CYFIP2: variants seen among roughly 807,000 people sequenced by gnomAD.
The protein encoded by CYFIP2 is cytoplasmic FMR1-interacting protein 2.
A neutral mutation model predicts 158.7 loss-of-function variants in CYFIP2; 29 were observed. The observed-to-expected ratio is 0.18, with a 90% CI of 0.14 to 0.25. The LOEUF (loss-of-function observed/expected upper bound fraction) is 0.25. Ranked by LOEUF, CYFIP2 falls within the 10% of genes least tolerant of loss-of-function variation. The pLI, the probability that CYFIP2 is intolerant of heterozygous loss-of-function variation, is 1.00. For synonymous variants in CYFIP2, 585 were observed against 617.6 expected (o/e 0.95, Z 0.78); for missense variants, 852 against 1,639.5 (o/e 0.52, Z 8.29).
intron 30 of CYFIP2, 114 bp from the exon 31 acceptor site, chr5:157,392,719 A>G: frequency 8.4e-7 from 1 of 1,187,140 alleles, no homozygotes; most frequent in Non-Finnish European, 1.2e-6. Flanking sequence ...ACTTTAAGAA[A>G]GTGACATGAT....
intron 8 of CYFIP2, among the ~76,000 whole-genome samples, chr5:157,305,541 C>T (rs1759143120): frequency 6.6e-6 from 1 of 152,218 alleles, no homozygotes; most frequent in African/African-American, 2.4e-5. Flanking sequence ...GGTGGAGTCT[C>T]ATTCTGTCTC....
intron 9 of CYFIP2, among the ~76,000 whole-genome samples, chr5:157,308,910 G>T (rs394975): frequency 0.79 from 120,472 of 152,022 alleles, 47,982 homozygotes; most frequent in East Asian, 0.99. Context: ...GCTGGATGAC[G>T]TTGGGAAAGT....
intron 23 of CYFIP2, among the ~76,000 whole-genome samples, chr5:157,344,506 C>G (rs533583418): frequency 3.3e-5 from 5 of 152,182 alleles, no homozygotes. Flanking sequence ...GGTGCCAGGA[C>G]TGAGACCCAG....
At chr5:157,384,993 C>T (rs1353507244) in intron 28 of CYFIP2, 1 of 154,716 alleles carries the variant, frequency 6.5e-6, no homozygotes, top group African/African-American at 2.5e-5. Context: ...TTCTTTGACT[C>T]ACCAGAGAGA....
chr5:157,332,488 C>T (rs753858411), intron 20 of CYFIP2, among the ~76,000 whole-genome samples: 8 of 152,160 alleles, frequency 5.3e-5, no homozygotes, highest in Admixed American at 2.0e-4. Context: ...AGAACAAGGA[C>T]GTTGTCTTAT....
Position 157,389,332 on chromosome 5 carries a change from C to T in CYFIP2, c.3351C>T (p.Val1117=), listed in dbSNP as rs373142413. 2.7e-5 allele frequency: 43 copies of T among 1,614,006 alleles called. No homozygotes were observed. The highest frequency in any genetic ancestry group is 3.6e-5 in the Non-Finnish European group (43 of 1,179,874). ...IWRGPPPTNG[V]MHVDECVEFH... is the part of the protein sequence containing the mutation. ...GGGGCCCACCGCCCACCAATGGCGT[C>T]ATGCACGTCGATGAGTGTGTGGAGT... The change falls in exon 29 of 31, where the codon GTC becomes GTT. Residue 1117 remains valine, a synonymous_variant. Coordinates refer to ENST00000620254, the MANE Select transcript of CYFIP2 (RefSeq NM_001037333.3).
chr5:157,323,977 G>C lies in CYFIP2; in HGVS notation c.1728G>C (p.Lys576Asn), dbSNP rs1760811610. Reference protein sequence around the residue: ...ESLIADKSGSKKTLRSSLDGP... With the variant: ...ESLIADKSGSNKTLRSSLDGP... ...TCATTGCAGACAAAAGCGGCTCCAA[G>C]AAGACCCTGAGGAGCAGCCTGGATG... The change falls in exon 16 of 31, where the codon AAG (lysine) becomes AAC (asparagine). Residue 576 changes from lysine to asparagine, a missense_variant. Physicochemically the swap from Lys to Asn is moderately conservative, Grantham distance 94 (BLOSUM62 0). Transcript: ENST00000620254. 1 of 1,610,308 alleles carries C rather than the reference G, an allele frequency of 6.2e-7. No homozygotes were observed. Among genetic ancestry groups the C allele is most frequent in the African/African-American group, 1.3e-5 (1 of 74,900 alleles).
rs781678629 is a variant in CYFIP2, at chr5:157,314,387, A to G, written c.1154A>G (p.Glu385Gly). The G allele has an allele frequency of 3.7e-6, 6 of 1,613,910 alleles. No individual in the cohort carries two copies. Among genetic ancestry groups the G allele is most frequent in the Non-Finnish European group, 5.1e-6 (6 of 1,179,864 alleles). The change falls in exon 12 of 31, where the codon GAG becomes GGG. Residue 385 changes from glutamate to glycine, a missense_variant. Transcript: ENST00000620254. ...CTGGACAGCCAGAAGTCAGACGAGG[A>G]GTATCGCGAGCTCTTCGACCTAGCC... Reference protein sequence around the residue: ...SGLDSQKSDEEYRELFDLALR... With the variant: ...SGLDSQKSDEGYRELFDLALR...
chr5:157,339,043 C>G lies in CYFIP2; in HGVS notation c.2386-14C>G, dbSNP rs1762061596. 4 of 1,604,614 alleles carry G rather than the reference C, an allele frequency of 2.5e-6. No homozygotes were observed. Among genetic ancestry groups the G allele is most frequent in the Middle Eastern group, 3.3e-4 (2 of 6,006 alleles). ...AGCAAGTCCTCAGCAGTTGTGGGCT[C>G]TCTCTCTGTACAGGAGCTGGAGTGG... On this transcript the variant is annotated splice_polypyrimidine_tract_variant and intron_variant, in intron 21 of 30. Coordinates refer to ENST00000620254, the MANE Select transcript of CYFIP2 (RefSeq NM_001037333.3).
chr5:157,304,540 C>T, intron 8 of CYFIP2, 174 bp downstream of exon 8: 1 of 660,094 alleles, frequency 1.5e-6, no homozygotes, highest in Non-Finnish European at 2.4e-6. Flanking sequence ...ATACCGTAGT[C>T]ACCTTTCCAG....
intron 21 of CYFIP2, among the ~76,000 whole-genome samples, chr5:157,333,823 C>CT (rs1405779777): frequency 1.3e-5 from 2 of 152,204 alleles, no homozygotes; most frequent in African/African-American, 4.8e-5. Flanking sequence ...GGCTTTGCAG[C>CT]TGGTTTACCA....
chr5:157,285,133 A>G (rs991508160), intron 1 of CYFIP2, among the ~76,000 whole-genome samples: 1 of 152,208 alleles, frequency 6.6e-6, no homozygotes, highest in African/African-American at 2.4e-5. Context: ...AACCAAGTGC[A>G]CACAAAATAC....
Position 157,315,090 on chromosome 5 carries a change from T to C in CYFIP2, c.1352T>C (p.Val451Ala). Reference sequence around the variant, plus strand: ...ACCAGTGAGGAAAAATTTGCCTTCGTTGAGGTAGGTGCAGACTCCCTGCAT... The same window carrying C: ...ACCAGTGAGGAAAAATTTGCCTTCGCTGAGGTAGGTGCAGACTCCCTGCAT... ...NYTSEEKFAF[V>A]EVIAMIKGLQ... is the part of the protein sequence containing the mutation. Residue 451 changes from valine to alanine, a missense_variant, in exon 13 of 31, where the codon GTT becomes GCT. By Grantham distance (64) the Val-to-Ala change is moderately conservative. Coordinates refer to ENST00000620254, the MANE Select transcript of CYFIP2 (RefSeq NM_001037333.3). 6.2e-7 allele frequency: 1 copy of C among 1,613,718 alleles called. No homozygotes were observed. The highest frequency in any genetic ancestry group is 2.2e-5 in the East Asian group (1 of 44,882).
At chr5:157,330,217 ATAGGG>A (rs1379305620) in intron 19 of CYFIP2, among the ~76,000 whole-genome samples, 23 of 150,550 alleles carry the variant, frequency 1.5e-4, no homozygotes, top group Non-Finnish European at 3.0e-4. Context: ...CTCTCAGCTC[ATAGGG>A]TTGTGGTGAG....
Position 157,294,846 on chromosome 5 carries a change from C to T in CYFIP2, c.271C>T (p.Arg91Trp). The T allele has an allele frequency of 6.2e-7, 1 of 1,613,348 alleles. No homozygotes were observed. The highest frequency in any genetic ancestry group is 8.5e-7 in the Non-Finnish European group (1 of 1,179,448). The change falls in exon 4 of 31, where the codon CGG becomes TGG. Residue 91 changes from arginine (R) to tryptophan (W), a missense_variant. Physicochemically the swap from Arg to Trp is moderately radical, Grantham distance 101. Coordinates refer to ENST00000620254, the MANE Select transcript of CYFIP2 (RefSeq NM_001037333.3). ...GCTGTACACCTGGCGCAGCTGTTCC[C>T]GGGCCATTCCCCAGGTGAGACTGTC... is the stretch of plus-strand genomic sequence containing the variant. ...VMLYTWRSCS[R>W]AIPQVKCNEQ...
rs551163908 is a variant in CYFIP2 at position 157,302,702 on chromosome 5, C to T, written c.570-92C>T. On this transcript the variant is annotated intron_variant, in intron 6 of 30. Coordinates refer to ENST00000620254, the MANE Select transcript of CYFIP2 (RefSeq NM_001037333.3). ...CATTAACTTCCAGGATGATGTCACT[C>T]TGTGTTAGGTGGGCATGCGAGCCCG... 10 of 874,098 alleles carry T rather than the reference C, an allele frequency of 1.1e-5. No individual in the cohort carries two copies. The African/African-American group carries it at 1.7e-4, about 15-fold the overall frequency. The allele number at this position is 874,098 out of a possible 1,614,324, so 54.1% of individuals were successfully genotyped here. A position where few individuals can be genotyped will look rare whatever the true frequency, so the allele number is the denominator to read the frequency against.
chr5:157,292,716 A>AT (rs1162032669), intron 3 of CYFIP2, among the ~76,000 whole-genome samples: 1 of 152,018 alleles, frequency 6.6e-6, no homozygotes, highest in African/African-American at 2.4e-5. Context: ...GAATCTACAC[A>AT]TTTTTCTGTG....
At chr5:157,382,468 G>A (rs1766221437) in intron 26 of CYFIP2, 122 bp from the exon 27 acceptor site, 3 of 966,248 alleles carry the variant, frequency 3.1e-6, no homozygotes, top group Admixed American at 2.2e-5. Context: ...GTCACAGTGA[G>A]TAGAAGAGCC....
intron 23 of CYFIP2, among the ~76,000 whole-genome samples, chr5:157,356,418 G>T (rs1310141757): frequency 2.6e-5 from 4 of 152,164 alleles, no homozygotes; most frequent in African/African-American, 4.8e-5. Flanking sequence ...ATTTGTTCGT[G>T]ATTAAGATTC....
Sources: allele counts gnomAD v4.1 joint callset (sites outside exome capture counted in the v4.1 genomes callset), GRCh38; gene constraint gnomAD v4.1.1; transcripts MANE v1.5; gene names NCBI Gene and HGNC (gene_info 2026-07-23, HGNC 2026-07-21).